The following COL16A1 variants were observed in gnomAD, a reference collection of about 807,000 sequenced individuals.
COL16A1 encodes the protein collagen type XVI alpha 1 chain, also known as collagen alpha-1(XVI) chain.
Under a neutral mutation model 266.3 loss-of-function variants are expected in COL16A1, and 189 were observed. The ratio of observed to expected loss-of-function variants is 0.71; its 90% CI spans 0.63 to 0.80. The LOEUF (loss-of-function observed/expected upper bound fraction) is 0.80. Among genes scored for constraint, COL16A1 ranks in the 30% least tolerant of loss-of-function variants. The probability of loss-of-function intolerance (pLI) is 0.00; values close to 1 mark genes in which losing one functional copy is unlikely to be tolerated. For synonymous variants in COL16A1, 740 were observed against 782.3 expected (o/e 0.95, Z 0.90); for missense variants, 1,928 against 2,122.4 (o/e 0.91, Z 1.80).
chr1:31,666,247 C>T lies in COL16A1; in HGVS notation c.3358-166G>A, dbSNP rs1176100137. 12 of 733,754 alleles carry T rather than the reference C, an allele frequency of 1.6e-5. No individual in the cohort carries two copies. The Admixed American group carries it at 2.5e-4, about 15-fold the overall frequency. 45.5% of individuals were successfully genotyped at this position (733,754 alleles called of 1,614,324 possible). ...CTGCTCAGGCTTCCCTGCTCTTGCC[C>T]GAGCTACTGAACCAGCCTCCTAACT... On this transcript the variant is annotated intron_variant, in intron 52 of 70. Coordinates refer to ENST00000373672, the MANE Select transcript of COL16A1 (RefSeq NM_001856.4).
At chr1:31,689,924 C>T (rs1341919259) in intron 22 of COL16A1, 73 bp from the exon 23 acceptor site, 3 of 1,308,550 alleles carry the variant, frequency 2.3e-6, no homozygotes, top group African/African-American at 2.9e-5. Context: ...GCCTCTTGCG[C>T]AGACCAGCCC....
chr1:31,679,957 C>A, intron 40 of COL16A1, 85 bp downstream of exon 40: 3 of 1,581,202 alleles, frequency 1.9e-6, no homozygotes, highest in Non-Finnish European at 2.6e-6. Context: ...CGTGGCCCTG[C>A]GGGGCCTTTG....
chr1:31,677,800 G>T (rs1643312327), intron 42 of COL16A1, among the ~76,000 whole-genome samples: 1 of 152,172 alleles, frequency 6.6e-6, no homozygotes, highest in Non-Finnish European at 1.5e-5. Context: ...CCTCGGCTTG[G>T]TCTCAAGCAC....
At position 31,675,391 on chromosome 1, in the gene COL16A1, C is replaced by T. The variant is rs1172369141; in HGVS notation, c.2773-80G>A. 4.7e-5 allele frequency: 73 copies of T among 1,554,884 alleles called. No homozygotes were observed. In the Admixed American group the frequency reaches 7.1e-4, roughly 15 times the overall value. ...CAGCCTGTTTCCTTCTCATCATCCC[C>T]GCCTCCTCTTCCCCTTGTCCTGCAG... On this transcript the variant is annotated intron_variant, in intron 42 of 70. Transcript: ENST00000373672.
At chr1:31,700,507 G>C (rs569616983) in intron 2 of COL16A1, among the ~76,000 whole-genome samples, 36 of 152,222 alleles carry the variant, frequency 2.4e-4, no homozygotes, top group Non-Finnish European at 5.0e-4. Flanking sequence ...TTACACATGT[G>C]CCCCCTCCAT....
intron 58 of COL16A1, 111 bp downstream of exon 58, chr1:31,662,223 C>G (rs1457371810): frequency 2.6e-6 from 4 of 1,544,894 alleles, no homozygotes; most frequent in Non-Finnish European, 3.5e-6. Context: ...ATGGGTGCCC[C>G]CTGACAAAGA....
intron 2 of COL16A1, chr1:31,701,403 C>T: frequency 1.0e-6 from 1 of 985,420 alleles, no homozygotes; most frequent in Non-Finnish European, 1.2e-6. Flanking sequence ...TCCACAATCC[C>T]TTTCACCTCA....
intron 22 of COL16A1, chr1:31,690,061 C>T: frequency 1.6e-6 from 1 of 619,368 alleles, no homozygotes; most frequent in Admixed American, 2.9e-5. Flanking sequence ...AAACTACATC[C>T]TCGCCGTAAG....
Position 31,690,351 on chromosome 1 carries a change from C to G in COL16A1, c.1509+16G>C. On this transcript the variant is annotated intron_variant, in intron 22 of 70. Coordinates refer to ENST00000373672, the MANE Select transcript of COL16A1 (RefSeq NM_001856.4). The stretch of plus-strand genomic sequence containing the variant: ...CCGTTCCCACCCCGATCTGGGCAGC[C>G]AGGCCTAGGACTCACCTTCTCTCCC... 6.2e-7 allele frequency: 1 copy of G among 1,613,608 alleles called. No homozygotes were observed. Among genetic ancestry groups the G allele is most frequent in the Non-Finnish European group, 8.5e-7 (1 of 1,179,994 alleles).
Position 31,691,203 on chromosome 1 carries a change from G to T in COL16A1, c.1422C>A (p.Gly474=). 1 of 1,614,010 alleles carries T rather than the reference G, an allele frequency of 6.2e-7. No homozygotes were observed. Residue 474 remains glycine, a synonymous_variant, in exon 20 of 71, where the codon GGC becomes GGA. Transcript: ENST00000373672. The stretch of plus-strand genomic sequence containing the variant: ...CTATGCTCACCTTGTCTCCCTTGGG[G>T]CCTGGTGGGCCACCTGGATCCCCCT... ...GTPGDPGGPP[G]PKGDKGSSGI... is the part of the protein sequence containing the mutation.
At chr1:31,680,645 T>C (rs1162060181) in intron 39 of COL16A1, among the ~76,000 whole-genome samples, 1 of 152,160 alleles carries the variant, frequency 6.6e-6, no homozygotes, top group African/African-American at 2.4e-5. Context: ...ATAATCCTGG[T>C]TGAGTCCCAG....
chr1:31,672,039 G>T (rs184422636), intron 47 of COL16A1, among the ~76,000 whole-genome samples: 2 of 152,308 alleles, frequency 1.3e-5, no homozygotes, highest in African/African-American at 2.4e-5. Context: ...AAGTAAATAG[G>T]CAGGATGTTG....
chr1:31,690,635 C>T (rs1644221199), intron 20 of COL16A1, 62 bp from the exon 21 acceptor site: 10 of 1,583,028 alleles, frequency 6.3e-6, no homozygotes, highest in African/African-American at 2.7e-5. Flanking sequence ...GGTGCGTTCC[C>T]CCTTCCCCAC....
At position 31,698,247 on chromosome 1, in the gene COL16A1, T is replaced by C. The variant is rs941180597; in HGVS notation, c.391-75A>G. On this transcript the variant is annotated intron_variant, in intron 5 of 70. Coordinates refer to ENST00000373672, the MANE Select transcript of COL16A1 (RefSeq NM_001856.4). The surrounding 1 kb of genome is among the most constrained non-coding windows in gnomAD (Gnocchi z 4.1). ...CACACCATGGGCACGTTCAGGGACC[T>C]TGAACTCATTTCACAGGAGGGGAAC... The C allele has an allele frequency of 1.9e-6, 3 of 1,577,294 alleles. No individual in the cohort carries two copies. The highest frequency in any genetic ancestry group is 2.4e-5 in the South Asian group (2 of 83,860).
rs1195008859 is a variant in COL16A1 at position 31,653,598 on chromosome 1, C to T, written c.4612+1G>A. The stretch of plus-strand genomic sequence containing the variant: ...TGGTCTCAAATGGTGGTATTTCCTA[C>T]CTGGGGGGCCGGGAAGACCATTTTC... On this transcript the variant is annotated splice_donor_variant, in intron 70 of 70. Coordinates refer to ENST00000373672, the MANE Select transcript of COL16A1 (RefSeq NM_001856.4). LOFTEE classifies it high-confidence loss of function. 6.2e-7 allele frequency: 1 copy of T among 1,613,364 alleles called. No individual in the cohort carries two copies. Among genetic ancestry groups the T allele is most frequent in the Non-Finnish European group, 8.5e-7 (1 of 1,179,572 alleles).
intron 42 of COL16A1, among the ~76,000 whole-genome samples, chr1:31,677,502 ACTAAATGTTCTAC>A (rs1172252048): frequency 6.6e-6 from 1 of 152,252 alleles, no homozygotes; most frequent in Non-Finnish European, 1.5e-5. Context: ...ACCTCTCAGA[ACTAAATGTTCTAC>A]CTGTTGTCCT....
rs897277448 is a variant in COL16A1, at chr1:31,668,558, C to A, written c.3249+244G>T. On this transcript the variant is annotated intron_variant, in intron 50 of 70. Transcript: ENST00000373672. The surrounding 1 kb of genome is among the most constrained non-coding windows in gnomAD (Gnocchi z 5.8). ...GGAGGGAGGGGAGCCCCCAGGGACG[C>A]TGCTGGAGGACAGGGGCTGTGCATG... 2.0e-5 allele frequency among the ~76,000 whole-genome samples: 3 copies of A among 152,150 alleles called. No individual in the cohort carries two copies. The highest frequency in any genetic ancestry group is 7.2e-5 in the African/African-American group (3 of 41,438).
chr1:31,689,543 G>A (rs1031659863), intron 23 of COL16A1, 198 bp downstream of exon 23: 32 of 602,930 alleles, frequency 5.3e-5, no homozygotes, highest in East Asian at 1.4e-4. Context: ...CATGGAGACC[G>A]GAGGTGGCAC....
intron 61 of COL16A1, 65 bp downstream of exon 61, chr1:31,661,001 G>T: frequency 6.7e-7 from 1 of 1,487,134 alleles, no homozygotes; most frequent in Non-Finnish European, 9.0e-7. Flanking sequence ...AGAAGCGGCT[G>T]CATCCCAGAC....
Sources: allele counts gnomAD v4.1 joint callset (sites outside exome capture counted in the v4.1 genomes callset), GRCh38; gene constraint gnomAD v4.1.1; non-coding constraint Gnocchi (gnomAD v3.1); transcripts MANE v1.5; gene names NCBI Gene and HGNC (gene_info 2026-07-23, HGNC 2026-07-21).